RSRC2: variants seen among roughly 807,000 people sequenced by gnomAD.
RSRC2 encodes the protein arginine/serine-rich coiled-coil protein 2.
RSRC2 carries 5 observed loss-of-function variants against 61.3 expected under a neutral mutation model. The ratio of observed to expected loss-of-function variants is 0.08; its 90% CI spans 0.04 to 0.17. The LOEUF (loss-of-function observed/expected upper bound fraction) is 0.17. Among genes scored for constraint, RSRC2 ranks in the 10% least tolerant of loss-of-function variants. The pLI, the probability that RSRC2 is intolerant of heterozygous loss-of-function variation, is 1.00. For missense variants in RSRC2, 381 were observed against 518.8 expected (o/e 0.73, Z 2.58); for synonymous variants, 202 against 166.5 (o/e 1.21, Z -1.64).
chr12:122,517,707 C>A (rs535475732), intron 4 of RSRC2, among the ~76,000 whole-genome samples: 1 of 152,142 alleles, frequency 6.6e-6, no homozygotes, highest in Admixed American at 6.6e-5. Context: ...AATACTCTTC[C>A]CACAGTAGTT....
intron 8 of RSRC2, chr12:122,507,163 A>C: frequency 2.0e-6 from 1 of 501,688 alleles, no homozygotes; most frequent in South Asian, 1.9e-5. Flanking sequence ...AAATCACCTG[A>C]GGTCAGGGGA....
chr12:122,512,563 T>C (rs1369570591), intron 6 of RSRC2, among the ~76,000 whole-genome samples: 2 of 151,956 alleles, frequency 1.3e-5, no homozygotes, highest in Non-Finnish European at 2.9e-5. Flanking sequence ...AAATCCCGCA[T>C]CTACTAAAAA....
At chr12:122,518,166 G>A (rs891572509) in intron 4 of RSRC2, among the ~76,000 whole-genome samples, 4 of 152,098 alleles carry the variant, frequency 2.6e-5, no homozygotes, top group African/African-American at 7.2e-5. Flanking sequence ...TGGGTGTGGT[G>A]GCGCATGTCT....
At chr12:122,515,621 G>C (rs1958850082) in intron 5 of RSRC2, among the ~76,000 whole-genome samples, 1 of 152,110 alleles carries the variant, frequency 6.6e-6, no homozygotes, top group African/African-American at 2.4e-5. Context: ...GTATACCACA[G>C]GAATCATTCC....
intron 1 of RSRC2, chr12:122,522,562 T>G: frequency 3.7e-6 from 1 of 267,666 alleles, no homozygotes; most frequent in Non-Finnish European, 7.0e-6. Flanking sequence ...TTTTAAAACA[T>G]GGGGTGGGGT....
chr12:122,506,782 G>C, intron 9 of RSRC2, 52 bp downstream of exon 9: 1 of 1,074,890 alleles, frequency 9.3e-7, no homozygotes, highest in South Asian at 1.3e-5. Flanking sequence ...GAAGAACAGT[G>C]CAGGAGGGCT....
chr12:122,511,865 G>A (rs1197680783), intron 6 of RSRC2, among the ~76,000 whole-genome samples: 4 of 152,146 alleles, frequency 2.6e-5, no homozygotes, highest in Admixed American at 2.0e-4. Context: ...GGAGTGCAAT[G>A]GCACGACCTT....
At chr12:122,513,241 AAATAAAAT>A (rs1565893964) in intron 6 of RSRC2, among the ~76,000 whole-genome samples, 6 of 34,036 alleles carry the variant, frequency 1.8e-4, no homozygotes, top group Admixed American at 8.7e-4. Flanking sequence ...ATAAATAAAT[AAATAAAAT>A]AAAATAAAAA....
chr12:122,505,381 C>A lies in RSRC2; in HGVS notation c.*146G>T. 1 of 675,336 alleles carries A rather than the reference C, an allele frequency of 1.5e-6. No homozygotes were observed. Among genetic ancestry groups the A allele is most frequent in the Non-Finnish European group, 2.4e-6 (1 of 411,530 alleles). The allele number at this position is 675,336 out of a possible 1,614,324, so 41.8% of individuals were successfully genotyped here. A position where few individuals can be genotyped will look rare whatever the true frequency, so the allele number is the denominator to read the frequency against. ...CAACACTAACACCAGTATCACTGATCTGATATTTACAAAAATTTGTATTTT... is the reference window on the plus strand; with the variant it reads ...CAACACTAACACCAGTATCACTGATATGATATTTACAAAAATTTGTATTTT... On this transcript the variant is annotated 3_prime_UTR_variant, in exon 10 of 10. Transcript: ENST00000331738.
intron 6 of RSRC2, 75 bp downstream of exon 6, chr12:122,515,030 G>T (rs1206293947): frequency 1.4e-6 from 2 of 1,479,366 alleles, no homozygotes; most frequent in East Asian, 2.3e-5. Context: ...CTTACTGAAA[G>T]AATTCATCTT....
intron 9 of RSRC2, 28 bp from the exon 10 acceptor site, chr12:122,505,734 T>C (rs755160954): frequency 7.0e-6 from 11 of 1,567,520 alleles, no homozygotes; most frequent in East Asian, 6.7e-5. Flanking sequence ...AACATTACAA[T>C]GAATTCAGAT....
intron 8 of RSRC2, chr12:122,507,231 T>G: frequency 3.0e-6 from 1 of 336,568 alleles, no homozygotes; most frequent in Non-Finnish European, 5.6e-6. Flanking sequence ...TACAAAAAAC[T>G]AGCCTGGCAT....
chr12:122,506,714 T>G, intron 9 of RSRC2, 120 bp downstream of exon 9: 1 of 671,776 alleles, frequency 1.5e-6, no homozygotes, highest in Non-Finnish European at 2.7e-6. Context: ...CAAAAGGTGG[T>G]GGGAAAGAAC....
chr12:122,524,131 G>T (rs1047619330), intron 1 of RSRC2, among the ~76,000 whole-genome samples: 1 of 152,158 alleles, frequency 6.6e-6, no homozygotes, highest in African/African-American at 2.4e-5. Context: ...ATGAGATCCA[G>T]CAACATTAGC....
intron 6 of RSRC2, among the ~76,000 whole-genome samples, chr12:122,512,688 C>T (rs1416324829): frequency 1.4e-5 from 2 of 145,278 alleles, no homozygotes; most frequent in South Asian, 4.3e-4. Flanking sequence ...GCTGAGATCA[C>T]ACCACTGCAC....
chr12:122,508,653 C>G (rs1488078532), intron 7 of RSRC2, among the ~76,000 whole-genome samples: 1 of 152,040 alleles, frequency 6.6e-6, no homozygotes, highest in African/African-American at 2.4e-5. Flanking sequence ...CTACATAAAC[C>G]CTTGATATAT....
At chr12:122,522,066 T>A (rs965548566) in intron 2 of RSRC2, 77 bp downstream of exon 2, 1 of 1,413,310 alleles carries the variant, frequency 7.1e-7, no homozygotes, top group Non-Finnish European at 9.6e-7. Context: ...AAACTAAATG[T>A]ATGTGTCTTC....
intron 6 of RSRC2, among the ~76,000 whole-genome samples, chr12:122,514,286 A>C (rs1478277633): frequency 7.5e-6 from 1 of 132,924 alleles, no homozygotes. Flanking sequence ...TTTTTTTGAG[A>C]CTGAGTCTCG....
At chr12:122,521,510 A>G (rs1959210872) in intron 2 of RSRC2, 82 bp from the exon 3 acceptor site, 1 of 1,199,878 alleles carries the variant, frequency 8.3e-7, no homozygotes, top group South Asian at 1.2e-5. Flanking sequence ...TGCTGGAGAA[A>G]AATGACTCCC....
Sources: gnomAD v4.1 joint callset for allele counts (sites outside exome capture counted in the v4.1 genomes callset) on GRCh38, gnomAD v4.1.1 for gene constraint, MANE v1.5 for transcripts, NCBI Gene and HGNC (gene_info 2026-07-23, HGNC 2026-07-21) for gene names.